RABGEF1: variants seen among roughly 807,000 people sequenced by gnomAD.
The protein encoded by RABGEF1 is RAB guanine nucleotide exchange factor 1, also known as rab5 GDP/GTP exchange factor.
RABGEF1 carries 26 observed loss-of-function variants against 57.3 expected under a neutral mutation model. The observed-to-expected ratio is 0.45, with a 90% CI of 0.33 to 0.63. RABGEF1 has a LOEUF of 0.63. RABGEF1 is among the 20% of genes least tolerant of loss of function. The pLI is 0.02. For synonymous variants in RABGEF1, 185 were observed against 210.7 expected, an observed-to-expected ratio of 0.88 and a Z score of 1.06; for missense variants, 464 against 607.6, an observed-to-expected ratio of 0.76 and a Z score of 2.48.
At chr7:66,805,465 T>A in intron 8 of RABGEF1, 69 bp downstream of exon 8, 1 of 1,590,198 alleles carries the variant, frequency 6.3e-7, no homozygotes, top group Non-Finnish European at 8.6e-7. Context: ...ATGTGACAGG[T>A]CACTTAGGCC....
chr7:66,794,899 TTAGA>T (rs1436556149), intron 4 of RABGEF1, among the ~76,000 whole-genome samples: 1 of 152,200 alleles, frequency 6.6e-6, no homozygotes, highest in African/African-American at 2.4e-5. Flanking sequence ...ATTCAGTGGA[TTAGA>T]TAAATAGAAA....
chr7:66,697,439 G>A (rs1365315668), intron 1 of RABGEF1, among the ~76,000 whole-genome samples: 1 of 152,146 alleles, frequency 6.6e-6, no homozygotes, highest in Non-Finnish European at 1.5e-5. Flanking sequence ...GGGTCAAACC[G>A]ACGTCTCTCC....
In RABGEF1 at chr7:66,809,427, T is replaced by A; in HGVS notation, c.*143T>A. ...GGTACAGTATATGGGGATTGTTTCGTTTTTCCTAGCAGGGGAACCTTAGTT... is the reference window on the plus strand; with the variant it reads ...GGTACAGTATATGGGGATTGTTTCGATTTTCCTAGCAGGGGAACCTTAGTT... On this transcript the variant is annotated 3_prime_UTR_variant, in exon 9 of 9. Transcript: ENST00000284957. 2.3e-6 allele frequency: 2 copies of A among 868,712 alleles called. No homozygotes were observed. Among genetic ancestry groups the A allele is most frequent in the Non-Finnish European group, 3.3e-6 (2 of 609,980 alleles). The allele number at this position is 868,712 out of a possible 1,614,324, so 53.8% of individuals were successfully genotyped here. A position where few individuals can be genotyped will look rare whatever the true frequency, so the allele number is the denominator to read the frequency against.
At chr7:66,752,005 T>C (rs1297004782) in intron 1 of RABGEF1, among the ~76,000 whole-genome samples, 2 of 152,022 alleles carry the variant, frequency 1.3e-5, no homozygotes, top group Non-Finnish European at 2.9e-5. Context: ...AAGACCAGCC[T>C]GGGCAACAAA....
At chr7:66,728,903 C>T (rs1239263425) in intron 2 of RABGEF1, among the ~76,000 whole-genome samples, 2 of 121,916 alleles carry the variant, frequency 1.6e-5, no homozygotes, top group Admixed American at 8.9e-5. Context: ...CTCACCTCCA[C>T]GCTCACCTGC....
intron 1 of RABGEF1, among the ~76,000 whole-genome samples, chr7:66,691,481 G>A (rs1217570367): frequency 2.6e-5 from 4 of 152,114 alleles, no homozygotes; most frequent in Non-Finnish European, 5.9e-5. Flanking sequence ...CAAAAAATAT[G>A]CTGAGTGAAA....
chr7:66,694,021 C>T (rs1791949320), intron 1 of RABGEF1, among the ~76,000 whole-genome samples: 2 of 152,132 alleles, frequency 1.3e-5, no homozygotes, highest in South Asian at 4.1e-4. Flanking sequence ...GTTGGCCAGG[C>T]TGGTCTCGAA....
chr7:66,769,213 T>A (rs371904386), intron 1 of RABGEF1, among the ~76,000 whole-genome samples: 86 of 152,358 alleles, frequency 5.6e-4, no homozygotes, highest in Middle Eastern at 3.4e-3. Flanking sequence ...TCTTCCCCAC[T>A]TCTCCATTTT....
At chr7:66,767,047 GGCTGGAGTGCAATGGCA>G (rs1562815449) in intron 1 of RABGEF1, among the ~76,000 whole-genome samples, 8 of 146,380 alleles carry the variant, frequency 5.5e-5, no homozygotes, top group African/African-American at 2.1e-4. Context: ...CTGTTGCCCA[GGCTGGAGTGCAATGGCA>G]TGATCTTGGC....
At chr7:66,777,799 A>G (rs998448222) in intron 3 of RABGEF1, among the ~76,000 whole-genome samples, 3 of 152,158 alleles carry the variant, frequency 2.0e-5, no homozygotes, top group Admixed American at 1.3e-4. Flanking sequence ...ACATTAAAAA[A>G]ATTAATTAAT....
chr7:66,672,556 A>G, the RABGEF1 span, among the ~76,000 whole-genome samples: 1 of 152,234 alleles, frequency 6.6e-6, no homozygotes, highest in Non-Finnish European at 1.5e-5. Flanking sequence ...AAATAATTAT[A>G]GCTGCTGCAC....
rs573413210 is a variant in RABGEF1, at chr7:66,721,660, T to A, written c.-815+9436T>A. ...ACCTATCCAGATAATCCAGGATAAT[T>A]TCTCCACCTCAAGATCCTTAATTTA... On this transcript the variant is annotated intron_variant and NMD_transcript_variant, in intron 2 of 9. Coordinates refer to the RABGEF1 transcript ENST00000607882. 6.6e-5 allele frequency among the ~76,000 whole-genome samples: 10 copies of A among 152,236 alleles called. 1 individual carries two copies. In the South Asian group the frequency reaches 2.1e-3, roughly 32 times the overall value.
chr7:66,809,083 A>C lies in RABGEF1; in HGVS notation c.1275A>C (p.Glu425Asp). 1 of 1,614,164 alleles carries C rather than the reference A, an allele frequency of 6.2e-7. No homozygotes were observed. The highest frequency in any genetic ancestry group is 8.5e-7 in the Non-Finnish European group (1 of 1,180,022). Residue 425 changes from glutamate to aspartate, a missense_variant, in exon 9 of 9, where the codon GAA (glutamate) becomes GAC (aspartate). Glu to Asp is a conservative substitution (Grantham distance 45, BLOSUM62 2). Around this residue, in one of 4 missense-constraint regions of RABGEF1, gnomAD observed 151 missense variants for 152.2 expected, o/e 0.99. Transcript: ENST00000284957. ...TGTCTCAGTTGAATGAACGACAAGA[A>C]AGGATCATGAATGAAGCCAAGAAAC... ...DLLSQLNERQ[E>D]RIMNEAKKLE... is the part of the protein sequence containing the mutation.
intron 1 of RABGEF1, among the ~76,000 whole-genome samples, chr7:66,743,169 G>A (rs146057875): frequency 0.017 from 2,658 of 152,186 alleles, 30 homozygotes; most frequent in Middle Eastern, 0.048. Flanking sequence ...TTAGCTTGGT[G>A]TGATGGCGCC....
At chr7:66,695,972 A>T (rs1004332075) in intron 1 of RABGEF1, among the ~76,000 whole-genome samples, 7 of 152,126 alleles carry the variant, frequency 4.6e-5, no homozygotes, top group African/African-American at 9.7e-5. Flanking sequence ...TCAAAAAAAA[A>T]AAAATAAAGT....
chr7:66,709,029 T>C (rs1411366561), intron 1 of RABGEF1, among the ~76,000 whole-genome samples: 1 of 151,968 alleles, frequency 6.6e-6, no homozygotes, highest in African/African-American at 2.4e-5. Context: ...TTTTTTTGTT[T>C]TGGTGAGACA....
intron 1 of RABGEF1, among the ~76,000 whole-genome samples, chr7:66,743,722 C>T (rs916433777): frequency 6.6e-6 from 1 of 152,216 alleles, no homozygotes; most frequent in East Asian, 1.9e-4. Context: ...AGGATGGTCT[C>T]AATCTCCTGA....
Position 66,809,066 on chromosome 7 carries a change from T to C in RABGEF1, c.1258T>C (p.Leu420=). 1.2e-6 allele frequency: 2 copies of C among 1,614,150 alleles called. No homozygotes were observed. Among genetic ancestry groups the C allele is most frequent in the Non-Finnish European group, 1.7e-6 (2 of 1,180,026 alleles). Residue 420 remains leucine, a synonymous_variant, in exon 9 of 9, where the codon TTG becomes CTG. Transcript: ENST00000284957. ...MYKNLDLLSQ[L]NERQERIMNE... Reference sequence around the variant, plus strand: ...TAAGAACTTGGATCTCTTGTCTCAGTTGAATGAACGACAAGAAAGGATCAT... The same window carrying C: ...TAAGAACTTGGATCTCTTGTCTCAGCTGAATGAACGACAAGAAAGGATCAT...
rs1326016727 is a variant in RABGEF1 at position 66,753,918 on chromosome 7, G to GA, written c.-18+13126_-18+13127insA. ...GATGGGGTTTTACTGTGTTGGCCAG[G>GA]CTGTTCTTGAACTCCTGACCTTGTG... is the stretch of plus-strand genomic sequence containing the variant. On this transcript the variant is annotated intron_variant, in intron 1 of 8. Coordinates refer to ENST00000284957, the MANE Select transcript of RABGEF1 (RefSeq NM_014504.3). Among the ~76,000 whole-genome samples, 565 of 148,126 alleles carry GA rather than the reference G, an allele frequency of 3.8e-3. 3 individuals are homozygous for GA. Among genetic ancestry groups the GA allele is most frequent in the Middle Eastern group, 0.017 (5 of 286 alleles).
Sources: gnomAD v4.1 joint callset for allele counts (sites outside exome capture counted in the v4.1 genomes callset) on GRCh38, gnomAD v4.1.1 for gene constraint, gnomAD v4.1.1 regional missense constraint, MANE v1.5 for transcripts, NCBI Gene and HGNC (gene_info 2026-07-23, HGNC 2026-07-21) for gene names.